CSMD1: variants seen among roughly 807,000 people sequenced by gnomAD.
The protein encoded by CSMD1 is CUB and sushi domain-containing protein 1.
Under a neutral mutation model 417.5 loss-of-function variants are expected in CSMD1, and 213 were observed. The observed-to-expected ratio is 0.51, with a 90% CI of 0.46 to 0.57. The LOEUF is 0.57. Ranked by LOEUF, CSMD1 falls within the 20% of genes least tolerant of loss-of-function variation. The probability of loss-of-function intolerance (pLI) is 0.00; values close to 1 mark genes in which losing one functional copy is unlikely to be tolerated. For missense variants in CSMD1, 6,923 were observed against 4,529.7 expected (o/e 1.53, Z -15.17); for synonymous variants, 2,862 against 1,736.8 (o/e 1.65, Z -16.11).
chr8:4,643,126 G>A (rs533135261), intron 1 of CSMD1, among the ~76,000 whole-genome samples: 13 of 152,300 alleles, frequency 8.5e-5, no homozygotes, highest in Admixed American at 6.5e-4. Flanking sequence ...TGAACAGTAT[G>A]TCTCATTGGA....
chr8:2,945,886 ACATGTGATAAGCTAGGT>A (rs1802199003), intron 68 of CSMD1, among the ~76,000 whole-genome samples: 1 of 152,220 alleles, frequency 6.6e-6, no homozygotes, highest in African/African-American at 2.4e-5. Context: ...GCATCTTTGC[ACATGTGATAAGCTAGGT>A]CATTCAATTT....
chr8:4,227,976 C>A lies in CSMD1; in HGVS notation c.415+191977G>T, dbSNP rs114499784. Among the ~76,000 whole-genome samples, 56 of 151,926 alleles carry A rather than the reference C, an allele frequency of 3.7e-4. No homozygotes were observed. In the South Asian group the frequency reaches 0.011, roughly 31 times the overall value. ...GCATTCAATCCCACACCAGGAGACA[C>A]GCCCTCCATCCTACATTAAACCCCA... is the stretch of plus-strand genomic sequence containing the variant. On this transcript the variant is annotated intron_variant, in intron 3 of 69. Coordinates refer to ENST00000635120, the MANE Select transcript of CSMD1 (RefSeq NM_033225.6).
At chr8:3,041,224 CAA>C (rs1811069146) in intron 50 of CSMD1, among the ~76,000 whole-genome samples, 1 of 152,030 alleles carries the variant, frequency 6.6e-6, no homozygotes, top group South Asian at 2.1e-4. Flanking sequence ...AGAAAATTCT[CAA>C]ATATTATTTT....
chr8:3,768,192 G>A (rs1057411370), intron 5 of CSMD1, among the ~76,000 whole-genome samples: 1 of 152,164 alleles, frequency 6.6e-6, no homozygotes, highest in African/African-American at 2.4e-5. Context: ...GGAATCTTTA[G>A]GAAGAGTGGT....
At chr8:3,094,960 A>G (rs1476668265) in intron 47 of CSMD1, among the ~76,000 whole-genome samples, 2 of 152,096 alleles carry the variant, frequency 1.3e-5, no homozygotes, top group Non-Finnish European at 2.9e-5. Context: ...CTAGTCACTG[A>G]TTTCTGATAA....
chr8:4,328,797 A>G (rs561563555), intron 3 of CSMD1, among the ~76,000 whole-genome samples: 1 of 152,346 alleles, frequency 6.6e-6, no homozygotes, highest in South Asian at 2.1e-4. Context: ...TCTCTTTGAA[A>G]TAAACTTCCA....
At chr8:3,224,733 T>C (rs1798400505) in intron 27 of CSMD1, among the ~76,000 whole-genome samples, 1 of 152,264 alleles carries the variant, frequency 6.6e-6, no homozygotes, top group African/African-American at 2.4e-5. Context: ...GCAGTAATTA[T>C]GTAGCTCAAT....
intron 52 of CSMD1, among the ~76,000 whole-genome samples, chr8:3,005,753 G>A (rs949754214): frequency 2.0e-5 from 3 of 152,080 alleles, no homozygotes; most frequent in African/African-American, 7.2e-5. Context: ...AATAAATTAG[G>A]TATTGATGGG....
chr8:4,531,826 C>G (rs1020488237), intron 2 of CSMD1, among the ~76,000 whole-genome samples: 1 of 152,270 alleles, frequency 6.6e-6, no homozygotes, highest in Middle Eastern at 3.4e-3. Flanking sequence ...TTTTCAGAAA[C>G]TTTTATCACT....
chr8:4,258,612 G>A (rs186385884), intron 3 of CSMD1, among the ~76,000 whole-genome samples: 56 of 64,588 alleles, frequency 8.7e-4, no homozygotes, highest in African/African-American at 3.1e-3. Flanking sequence ...TGTTCTCATA[G>A]GGGCACTCAT....
intron 8 of CSMD1, among the ~76,000 whole-genome samples, chr8:3,599,244 C>T (rs1193023419): frequency 4.0e-5 from 6 of 151,798 alleles, no homozygotes; most frequent in Non-Finnish European, 5.9e-5. Context: ...ATGATTACTG[C>T]AGTCAAGCAA....
intron 8 of CSMD1, among the ~76,000 whole-genome samples, chr8:3,599,151 C>T (rs201787246): frequency 8.3e-6 from 1 of 119,892 alleles, no homozygotes. Flanking sequence ...GTGTGTGTGT[C>T]TGTGTGTGTG....
chr8:3,874,423 G>C (rs1226367044), intron 5 of CSMD1, among the ~76,000 whole-genome samples: 1 of 152,110 alleles, frequency 6.6e-6, no homozygotes, highest in Non-Finnish European at 1.5e-5. Context: ...TTTATCCCTG[G>C]ATCAAACTAA....
chr8:3,603,874 C>G (rs1178013686), intron 8 of CSMD1, among the ~76,000 whole-genome samples: 1 of 152,168 alleles, frequency 6.6e-6, no homozygotes, highest in Admixed American at 6.6e-5. Flanking sequence ...CATAAATGAT[C>G]TAGCAAATGG....
At chr8:3,177,333 C>T (rs1442102616) in intron 37 of CSMD1, among the ~76,000 whole-genome samples, 1 of 152,124 alleles carries the variant, frequency 6.6e-6, no homozygotes, top group Non-Finnish European at 1.5e-5. Context: ...AAGAGCTCTC[C>T]CAGCCCCCAG....
chr8:4,395,029 C>A (rs553879889), intron 3 of CSMD1, among the ~76,000 whole-genome samples: 1 of 152,266 alleles, frequency 6.6e-6, no homozygotes, highest in East Asian at 1.9e-4. Context: ...CTCTGCGTGG[C>A]ATATCCCATA....
intron 10 of CSMD1, among the ~76,000 whole-genome samples, chr8:3,532,077 A>G (rs575315081): frequency 6.6e-6 from 1 of 152,202 alleles, no homozygotes; most frequent in South Asian, 2.1e-4. Context: ...TAGCTCGTCT[A>G]TGAAAGCCCC....
chr8:3,610,243 A>G (rs1482543704), intron 8 of CSMD1, among the ~76,000 whole-genome samples: 3 of 152,216 alleles, frequency 2.0e-5, no homozygotes, highest in East Asian at 1.9e-4. Flanking sequence ...GATATAAACA[A>G]TAAATCGATA....
chr8:4,456,575 C>G (rs779365475), intron 2 of CSMD1, among the ~76,000 whole-genome samples: 1 of 152,150 alleles, frequency 6.6e-6, no homozygotes, highest in Non-Finnish European at 1.5e-5. Context: ...ACAGCCCTGT[C>G]TTCTCACAAA....
Sources: gnomAD v4.1 joint callset for allele counts (sites outside exome capture counted in the v4.1 genomes callset) on GRCh38, gnomAD v4.1.1 for gene constraint, MANE v1.5 for transcripts, NCBI Gene and HGNC (gene_info 2026-07-23, HGNC 2026-07-21) for gene names.